Variants in ASTN2 observed in about 807,000 individuals in gnomAD.
ASTN2 encodes the protein astrotactin 2.
In ASTN2, 54 loss-of-function variants were observed where a neutral mutation model predicts 139.8. The ratio of observed to expected loss-of-function variants is 0.39; its 90% CI spans 0.31 to 0.48. The LOEUF is 0.48. ASTN2 is among the 20% of genes least tolerant of loss of function. ASTN2 has a pLI of 0.95. For synonymous variants in ASTN2, 756 were observed against 719.5 expected (o/e 1.05, Z -0.81); for missense variants, 1,565 against 1,725.1 (o/e 0.91, Z 1.64).
At chr9:116,788,420 C>T (rs1830437467) in intron 13 of ASTN2, among the ~76,000 whole-genome samples, 2 of 152,102 alleles carry the variant, frequency 1.3e-5, no homozygotes, top group Non-Finnish European at 2.9e-5. Flanking sequence ...CAAAACATCA[C>T]ATTCTATCTC....
chr9:116,653,344 T>C (rs1858029586), intron 16 of ASTN2, among the ~76,000 whole-genome samples: 1 of 152,198 alleles, frequency 6.6e-6, no homozygotes, highest in Non-Finnish European at 1.5e-5. Context: ...CTCATCTCTG[T>C]TTCAAACAGA....
At chr9:116,964,204 A>T (rs1281703908) in intron 10 of ASTN2, among the ~76,000 whole-genome samples, 1 of 149,338 alleles carries the variant, frequency 6.7e-6, no homozygotes, top group Non-Finnish European at 1.5e-5. Flanking sequence ...CTTTCTGACT[A>T]GACTGCCCTG....
chr9:117,233,371 C>A (rs1003807720), intron 2 of ASTN2, among the ~76,000 whole-genome samples: 7 of 152,186 alleles, frequency 4.6e-5, no homozygotes, highest in Non-Finnish European at 8.8e-5. Flanking sequence ...ACCCCCTTAG[C>A]CTGATTTTCC....
At chr9:117,294,866 C>T (rs1834689447) in intron 1 of ASTN2, among the ~76,000 whole-genome samples, 1 of 150,714 alleles carries the variant, frequency 6.6e-6, no homozygotes, top group Non-Finnish European at 1.5e-5. Flanking sequence ...GCTCTCCTCC[C>T]AGAACCTATG....
At chr9:116,835,440 C>G (rs1564293824) in intron 11 of ASTN2, among the ~76,000 whole-genome samples, 1 of 152,140 alleles carries the variant, frequency 6.6e-6, no homozygotes, top group Non-Finnish European at 1.5e-5. Flanking sequence ...ATAGCTACAT[C>G]TTTTTCTTTC....
intron 1 of ASTN2, among the ~76,000 whole-genome samples, chr9:117,408,628 T>A (rs1293590194): frequency 6.6e-6 from 1 of 152,058 alleles, no homozygotes; most frequent in Non-Finnish European, 1.5e-5. Context: ...AATCACAGAG[T>A]AATTTTGCAG....
chr9:116,673,118 C>G (rs1277385966), intron 16 of ASTN2, among the ~76,000 whole-genome samples: 1 of 152,162 alleles, frequency 6.6e-6, no homozygotes, highest in Non-Finnish European at 1.5e-5. Flanking sequence ...GAGCATACAC[C>G]CAAGTAACCA....
At chr9:117,217,212 A>G (rs1228674150) in intron 2 of ASTN2, among the ~76,000 whole-genome samples, 2 of 152,188 alleles carry the variant, frequency 1.3e-5, no homozygotes, top group Non-Finnish European at 2.9e-5. Flanking sequence ...CAATGGGTGC[A>G]TCTTCTCTTC....
At chr9:117,359,499 T>C (rs1468989936) in intron 1 of ASTN2, among the ~76,000 whole-genome samples, 2 of 152,232 alleles carry the variant, frequency 1.3e-5, no homozygotes, top group East Asian at 1.9e-4. Flanking sequence ...TTAAAAGATA[T>C]TGTTAAGCAT....
At chr9:116,853,202 G>A (rs1832656664) in intron 11 of ASTN2, among the ~76,000 whole-genome samples, 1 of 151,914 alleles carries the variant, frequency 6.6e-6, no homozygotes, top group African/African-American at 2.4e-5. Context: ...GGGGCCTTGA[G>A]TTTTTTTCTT....
intron 4 of ASTN2, among the ~76,000 whole-genome samples, chr9:117,131,966 A>T (rs1480419742): frequency 6.7e-6 from 1 of 149,546 alleles, no homozygotes; most frequent in Non-Finnish European, 1.5e-5. Context: ...TGGCTTTTTT[A>T]AAACATGATT....
chr9:116,994,080 A>G (rs562596861), intron 7 of ASTN2, among the ~76,000 whole-genome samples: 1 of 152,126 alleles, frequency 6.6e-6, no homozygotes, highest in South Asian at 2.1e-4. Flanking sequence ...AATAAATACC[A>G]AAGCCATTTT....
intron 10 of ASTN2, among the ~76,000 whole-genome samples, chr9:116,882,133 C>A (rs1158438481): frequency 6.6e-6 from 1 of 152,264 alleles, no homozygotes; most frequent in South Asian, 2.1e-4. Flanking sequence ...TTATTAAGTA[C>A]CTGCTCTTTC....
chr9:116,669,809 A>ATT (rs34822441), intron 16 of ASTN2, among the ~76,000 whole-genome samples: 18,958 of 144,108 alleles, frequency 0.13, 1,315 homozygotes, highest in Middle Eastern at 0.18. Flanking sequence ...TATGTATTGT[A>ATT]TTTTTTTTTT....
At chr9:116,977,580 G>T (rs1210566366) in intron 7 of ASTN2, among the ~76,000 whole-genome samples, 2 of 151,978 alleles carry the variant, frequency 1.3e-5, no homozygotes, top group Non-Finnish European at 2.9e-5. Flanking sequence ...CATTTCAAGT[G>T]GCCAGCATAT....
intron 4 of ASTN2, among the ~76,000 whole-genome samples, chr9:117,125,684 T>G (rs1829667962): frequency 6.6e-6 from 1 of 152,200 alleles, no homozygotes; most frequent in African/African-American, 2.4e-5. Context: ...TAAATCTAAC[T>G]GCGAGAGAAT....
chr9:116,861,488 CA>C (rs1386414998), intron 11 of ASTN2, among the ~76,000 whole-genome samples: 1 of 152,166 alleles, frequency 6.6e-6, no homozygotes, highest in Non-Finnish European at 1.5e-5. Context: ...CCCCAACTAG[CA>C]CTTTTCCAAT....
chr9:116,445,081 C>T (rs1229187035), intron 20 of ASTN2, among the ~76,000 whole-genome samples: 1 of 152,202 alleles, frequency 6.6e-6, no homozygotes, highest in Non-Finnish European at 1.5e-5. Context: ...ATAGTGCATA[C>T]ACTTCGGCTT....
At chr9:116,672,642 C>T (rs923656341) in intron 16 of ASTN2, among the ~76,000 whole-genome samples, 1 of 152,208 alleles carries the variant, frequency 6.6e-6, no homozygotes, top group Non-Finnish European at 1.5e-5. Flanking sequence ...ACTCACATTT[C>T]TGTGTGGTAG....
Sources: allele counts gnomAD v4.1 joint callset (sites outside exome capture counted in the v4.1 genomes callset), GRCh38; gene constraint gnomAD v4.1.1; transcripts MANE v1.5; gene names NCBI Gene and HGNC (gene_info 2026-07-23, HGNC 2026-07-21).